The following RTF2 variants were observed in gnomAD, a reference collection of about 807,000 sequenced individuals.
The protein encoded by RTF2 is UPF0549 protein C20orf43.
RTF2 carries 18 observed loss-of-function variants against 38.0 expected under a neutral mutation model. The observed-to-expected ratio is 0.47, with a 90% CI of 0.33 to 0.70. RTF2 has a LOEUF of 0.70. RTF2 is among the 30% of genes least tolerant of loss of function. The pLI is 0.02. For synonymous variants in RTF2, 126 were observed against 137.1 expected (o/e 0.92, Z 0.57); for missense variants, 311 against 379.6 (o/e 0.82, Z 1.50).
rs137866512 is a variant in RTF2 at position 56,498,171 on chromosome 20, T to C, written c.477+13982T>C. Reference sequence around the variant, plus strand: ...ATAGACACCGTCCTGTTCTGCCTTATTCAAAGTTCATTGTGTGCCATTATT... The same window carrying C: ...ATAGACACCGTCCTGTTCTGCCTTACTCAAAGTTCATTGTGTGCCATTATT... On this transcript the variant is annotated intron_variant, in intron 5 of 8. Transcript: ENST00000357348. 1.2e-4 allele frequency among the ~76,000 whole-genome samples: 18 copies of C among 152,376 alleles called. No homozygotes were observed. In the East Asian group the frequency reaches 2.9e-3, roughly 24 times the overall value.
At chr20:56,505,492 T>TAATAATAATA (rs1448826452) in intron 5 of RTF2, among the ~76,000 whole-genome samples, 3 of 147,904 alleles carry the variant, frequency 2.0e-5, no homozygotes, top group African/African-American at 7.4e-5. Context: ...CATCTCATAA[T>TAATAATAATA]AATAATAATA....
At chr20:56,499,480 A>G (rs1983784136) in intron 5 of RTF2, among the ~76,000 whole-genome samples, 1 of 151,942 alleles carries the variant, frequency 6.6e-6, no homozygotes, top group African/African-American at 2.4e-5. Flanking sequence ...CACGCCTGGC[A>G]ATACTTATGT....
chr20:56,489,222 T>TTA (rs1982958980), intron 5 of RTF2, among the ~76,000 whole-genome samples: 1 of 5,326 alleles, frequency 1.9e-4, no homozygotes, highest in African/African-American at 7.6e-4. Context: ...TGCCTGGTTA[T>TTA]TTTTTTTTTT....
intron 5 of RTF2, among the ~76,000 whole-genome samples, 178 bp from the exon 6 acceptor site, chr20:56,513,137 A>G (rs1984794242): frequency 6.6e-6 from 1 of 152,216 alleles, no homozygotes; most frequent in Non-Finnish European, 1.5e-5. Flanking sequence ...TTAACCTGCT[A>G]CGCTGACACT....
At position 56,474,732 on chromosome 20, in the gene RTF2, G is replaced by A. The variant is rs1216611445; in HGVS notation, c.219G>A (p.Lys73=). The A allele has an allele frequency of 1.4e-5, 22 of 1,611,864 alleles. No individual in the cohort carries two copies. Among genetic ancestry groups the A allele is most frequent in the Non-Finnish European group, 1.9e-5 (22 of 1,179,302 alleles). The change falls in exon 3 of 9, where the codon AAG becomes AAA. Residue 73 remains lysine, a synonymous_variant. Transcript: ENST00000357348. ...TTCTCTTGGACAAATCTGCAGAAAAGGCTCTTGGGAAGGCAGCATCTCACA... is the reference window on the plus strand; with the variant it reads ...TTCTCTTGGACAAATCTGCAGAAAAAGCTCTTGGGAAGGCAGCATCTCACA... ...IEFLLDKSAE[K]ALGKAASHIK...
chr20:56,514,503 T>G (rs943145320), intron 6 of RTF2, among the ~76,000 whole-genome samples: 3 of 152,144 alleles, frequency 2.0e-5, no homozygotes, highest in Non-Finnish European at 4.4e-5. Context: ...CGCGTGGGTG[T>G]GCATTTTACC....
At chr20:56,484,805 G>A (rs1285923035) in intron 5 of RTF2, among the ~76,000 whole-genome samples, 1 of 152,216 alleles carries the variant, frequency 6.6e-6, no homozygotes, top group Non-Finnish European at 1.5e-5. Flanking sequence ...AAGCCAGAAT[G>A]TGTGTGTGTC....
chr20:56,480,615 C>A (rs1239239404), intron 4 of RTF2, among the ~76,000 whole-genome samples: 1 of 152,194 alleles, frequency 6.6e-6, no homozygotes, highest in African/African-American at 2.4e-5. Context: ...CTGCCTTCCT[C>A]CCTAAGCTTA....
chr20:56,515,665 G>GACACACACACACACACACACAC (rs11474559), intron 6 of RTF2: 1 of 145,684 alleles, frequency 6.9e-6, no homozygotes, highest in Non-Finnish European at 1.5e-5. Context: ...CTCAGACAGA[G>GACACACACACACACACACACAC]ACACACACAC....
chr20:56,505,363 C>G (rs1487481694), intron 5 of RTF2, among the ~76,000 whole-genome samples: 1 of 151,852 alleles, frequency 6.6e-6, no homozygotes, highest in Non-Finnish European at 1.5e-5. Context: ...TGGTGCGCAC[C>G]TGTAGTCCTA....
intron 5 of RTF2, among the ~76,000 whole-genome samples, chr20:56,508,581 A>T (rs1251760692): frequency 6.6e-6 from 1 of 152,158 alleles, no homozygotes; most frequent in Non-Finnish European, 1.5e-5. Context: ...GATATTAGAA[A>T]GATAAATTTT....
intron 5 of RTF2, among the ~76,000 whole-genome samples, chr20:56,508,242 G>C (rs1470657177): frequency 1.3e-5 from 2 of 152,182 alleles, no homozygotes; most frequent in Non-Finnish European, 2.9e-5. Context: ...GCAAATGCTT[G>C]TTGGTATCTT....
intron 5 of RTF2, chr20:56,497,152 C>T: frequency 6.4e-7 from 1 of 1,551,002 alleles, no homozygotes. Flanking sequence ...GTTTGCACAG[C>T]AGTCTTATAC....
rs1364197214 is a variant in RTF2, at chr20:56,489,063, A to AT, written c.477+4885dup. Among the ~76,000 whole-genome samples, 1,408 of 147,102 alleles carry AT rather than the reference A, an allele frequency of 9.6e-3. 13 individuals are homozygous for AT. The highest frequency in any genetic ancestry group is 0.027 in the African/African-American group (1,076 of 40,368). ...GCTTTATCCTGCTGTTACTGAAATG[A>AT]TTTTTTTTTTTAGATGGAGTCTTGC... On this transcript the variant is annotated intron_variant, in intron 5 of 8. Coordinates refer to ENST00000357348, the MANE Select transcript of RTF2 (RefSeq NM_016407.5).
At chr20:56,484,068 A>G (rs780249955) in intron 4 of RTF2, 43 bp from the exon 5 acceptor site, 5 of 1,521,468 alleles carry the variant, frequency 3.3e-6, no homozygotes, top group Non-Finnish European at 4.6e-6. Flanking sequence ...TGAATTGATC[A>G]TGTGATTAAT....
At position 56,488,636 on chromosome 20, in the gene RTF2, G is replaced by C. The variant is rs529241019; in HGVS notation, c.477+4447G>C. On this transcript the variant is annotated intron_variant, in intron 5 of 8. Coordinates refer to ENST00000357348, the MANE Select transcript of RTF2 (RefSeq NM_016407.5). The stretch of plus-strand genomic sequence containing the variant: ...GGTTTTCAGGCTTTGGCCTTCTTCA[G>C]AGTATCTTAGGTTTCTGCCATCTTT... Among the ~76,000 whole-genome samples, 7 of 152,344 alleles carry C rather than the reference G, an allele frequency of 4.6e-5. No homozygotes were observed. In the South Asian group the frequency reaches 1.4e-3, roughly 32 times the overall value.
rs945535771 is a variant in RTF2, at chr20:56,477,013, A to G, written c.287A>G (p.Asn96Ser). The G allele has an allele frequency of 6.2e-7, 1 of 1,614,106 alleles. No individual in the cohort carries two copies. Among genetic ancestry groups the G allele is most frequent in the Non-Finnish European group, 8.5e-7 (1 of 1,179,960 alleles). Residue 96 changes from asparagine (N) to serine (S), a missense_variant, in exon 4 of 9, where the codon AAT becomes AGT. Asn to Ser is a conservative substitution (Grantham distance 46). Coordinates refer to ENST00000357348, the MANE Select transcript of RTF2 (RefSeq NM_016407.5). ...KNVTELKLSDNPAWEGDKGNT... is the reference protein window; with the variant it reads ...KNVTELKLSDSPAWEGDKGNT... ...GTGACAGAGCTGAAGCTTTCTGATA[A>G]TCCTGCCTGGGAAGGGGATAAAGGA...
chr20:56,501,624 A>G (rs1265510584), intron 5 of RTF2, among the ~76,000 whole-genome samples: 1 of 152,192 alleles, frequency 6.6e-6, no homozygotes, highest in Non-Finnish European at 1.5e-5. Context: ...GTGTATTACT[A>G]GATCACAAAC....
chr20:56,499,725 T>TTTTTC (rs1448470388), intron 5 of RTF2, among the ~76,000 whole-genome samples: 42 of 152,046 alleles, frequency 2.8e-4, no homozygotes, highest in African/African-American at 9.9e-4. Context: ...TTTGTTTTTT[T>TTTTTC]TTTTCTGTTG....
Sources: gnomAD v4.1 joint callset for allele counts (sites outside exome capture counted in the v4.1 genomes callset) on GRCh38, gnomAD v4.1.1 for gene constraint, MANE v1.5 for transcripts, NCBI Gene and HGNC (gene_info 2026-07-23, HGNC 2026-07-21) for gene names.